The following GALNTL6 variants were observed in gnomAD, a reference collection of about 807,000 sequenced individuals.
GALNTL6 encodes the protein polypeptide N-acetylgalactosaminyltransferase-like 6.
Under a neutral mutation model 73.7 loss-of-function variants are expected in GALNTL6, and 46 were observed. That is an observed-to-expected ratio of 0.62 (90% CI 0.49 to 0.80). The LOEUF is 0.80. Among genes scored for constraint, GALNTL6 ranks in the 30% least tolerant of loss-of-function variants. The pLI, the probability that GALNTL6 is intolerant of heterozygous loss-of-function variation, is 0.00. For synonymous variants in GALNTL6, 259 were observed against 263.7 expected, an observed-to-expected ratio of 0.98 and a Z score of 0.17; for missense variants, 604 against 755.0, an observed-to-expected ratio of 0.80 and a Z score of 2.34.
intron 2 of GALNTL6, among the ~76,000 whole-genome samples, chr4:172,132,433 T>C (rs10019067): frequency 0.45 from 69,123 of 151,950 alleles, 16,598 homozygotes; most frequent in African/African-American, 0.6. Context: ...ACTCTGAGAT[T>C]GGAAATACTT....
intron 2 of GALNTL6, among the ~76,000 whole-genome samples, chr4:172,072,485 C>T (rs1435559120): frequency 2.0e-5 from 3 of 152,122 alleles, no homozygotes; most frequent in Admixed American, 1.3e-4. Flanking sequence ...GAACTACACA[C>T]GTAAAAGATA....
chr4:171,837,912 G>A (rs1357241728), intron 2 of GALNTL6, among the ~76,000 whole-genome samples: 1 of 150,894 alleles, frequency 6.6e-6, no homozygotes, highest in African/African-American at 2.4e-5. Context: ...TTGATAGGTT[G>A]GCATGTTACA....
intron 5 of GALNTL6, among the ~76,000 whole-genome samples, chr4:172,618,515 C>A (rs1738830488): frequency 6.6e-6 from 1 of 152,120 alleles, no homozygotes; most frequent in Admixed American, 6.5e-5. Context: ...GAGAGAAATT[C>A]TTCTGCACTT....
At chr4:172,494,245 C>T (rs1733993225) in intron 5 of GALNTL6, among the ~76,000 whole-genome samples, 1 of 152,136 alleles carries the variant, frequency 6.6e-6, no homozygotes, top group South Asian at 2.1e-4. Flanking sequence ...TATTACGATT[C>T]CTTCATGAAG....
At chr4:172,868,713 G>A (rs751325946) in intron 7 of GALNTL6, among the ~76,000 whole-genome samples, 5 of 152,208 alleles carry the variant, frequency 3.3e-5, no homozygotes, top group Non-Finnish European at 5.9e-5. Context: ...CTGGGCACCC[G>A]TGGGACCCAA....
chr4:172,281,026 G>A lies in GALNTL6; in HGVS notation c.248-30588G>A, dbSNP rs190495080. Among the ~76,000 whole-genome samples, 550 of 151,502 alleles carry A rather than the reference G, an allele frequency of 3.6e-3. 3 individuals carry two copies. The highest frequency in any genetic ancestry group is 0.012 in the African/African-American group (507 of 41,264). The stretch of plus-strand genomic sequence containing the variant: ...AATACAAAAAAAAAAAAAATTAGCC[G>A]GGCGTGGTGGCGAGTGCCTGTAGTC... On this transcript the variant is annotated intron_variant, in intron 3 of 12. Coordinates refer to ENST00000506823, the MANE Select transcript of GALNTL6 (RefSeq NM_001034845.3).
chr4:172,966,057 G>A (rs1252557312), intron 10 of GALNTL6, among the ~76,000 whole-genome samples: 1 of 152,178 alleles, frequency 6.6e-6, no homozygotes, highest in Non-Finnish European at 1.5e-5. Context: ...TTGGGAGAAT[G>A]TTAGACTGAA....
chr4:172,970,416 G>C (rs909894411), intron 10 of GALNTL6, among the ~76,000 whole-genome samples: 1 of 152,176 alleles, frequency 6.6e-6, no homozygotes, highest in African/African-American at 2.4e-5. Context: ...GACAATCCCA[G>C]AGTGGCCATT....
At position 171,853,864 on chromosome 4, in the gene GALNTL6, G is replaced by A. The variant is rs934124773; in HGVS notation, c.138+39146G>A. On this transcript the variant is annotated intron_variant, in intron 2 of 12. Coordinates refer to ENST00000506823, the MANE Select transcript of GALNTL6 (RefSeq NM_001034845.3). ...TGACTTCAGTTGATACACCCACATCGGCCTCCAAAAGTGCTGGGATTACAG... is the reference window on the plus strand; with the variant it reads ...TGACTTCAGTTGATACACCCACATCAGCCTCCAAAAGTGCTGGGATTACAG... Among the ~76,000 whole-genome samples the A allele has an allele frequency of 1.3e-4, 20 of 151,590 alleles. No homozygotes were observed. The East Asian group carries it at 1.4e-3, about 10-fold the overall frequency.
intron 5 of GALNTL6, among the ~76,000 whole-genome samples, chr4:172,505,806 C>A (rs1734379929): frequency 1.9e-5 from 1 of 53,726 alleles, no homozygotes. Flanking sequence ...TAATAGAGGA[C>A]CAGGTAAGTG....
chr4:172,609,521 A>T lies in GALNTL6; in HGVS notation c.554-199840A>T, dbSNP rs193037415. On this transcript the variant is annotated intron_variant, in intron 5 of 12. Transcript: ENST00000506823. ...TTGATCATGGCGCAGAAGCCTTTTG[A>T]TGTGCTGCCAGATTCAGTTTGCCAG... is the stretch of plus-strand genomic sequence containing the variant. 1.9e-3 allele frequency among the ~76,000 whole-genome samples: 281 copies of T among 151,716 alleles called. 1 individual carries two copies. The highest frequency in any genetic ancestry group is 6.6e-3 in the African/African-American group (274 of 41,346).
intron 2 of GALNTL6, among the ~76,000 whole-genome samples, chr4:172,073,105 G>A (rs942293206): frequency 3.3e-5 from 5 of 152,144 alleles, no homozygotes; most frequent in Admixed American, 3.3e-4. Flanking sequence ...TTTGCTTGAA[G>A]TCATCTTTTT....
At chr4:172,300,437 C>T (rs1278680490) in intron 3 of GALNTL6, among the ~76,000 whole-genome samples, 4 of 152,078 alleles carry the variant, frequency 2.6e-5, no homozygotes, top group African/African-American at 4.8e-5. Flanking sequence ...TTATTTTGCT[C>T]GTTAGTTGAT....
intron 2 of GALNTL6, among the ~76,000 whole-genome samples, chr4:172,100,670 A>T (rs191894710): frequency 2.0e-5 from 3 of 152,310 alleles, no homozygotes; most frequent in Non-Finnish European, 4.4e-5. Flanking sequence ...TCTCACAATA[A>T]TCTTTCAAGT....
chr4:171,994,277 C>T (rs894155756), intron 2 of GALNTL6, among the ~76,000 whole-genome samples: 1 of 152,004 alleles, frequency 6.6e-6, no homozygotes, highest in Non-Finnish European at 1.5e-5. Flanking sequence ...GCAGAAGGCT[C>T]TGTGTGGTCT....
At chr4:172,427,133 A>G (rs1158370784) in intron 5 of GALNTL6, among the ~76,000 whole-genome samples, 1 of 152,166 alleles carries the variant, frequency 6.6e-6, no homozygotes, top group African/African-American at 2.4e-5. Flanking sequence ...GAGAGAGAAG[A>G]AAAGGAAGAC....
At chr4:172,548,056 A>G (rs887189277) in intron 5 of GALNTL6, among the ~76,000 whole-genome samples, 4 of 152,182 alleles carry the variant, frequency 2.6e-5, no homozygotes, top group Non-Finnish European at 5.9e-5. Flanking sequence ...GTATTAATCT[A>G]TTGAGGATGT....
intron 2 of GALNTL6, among the ~76,000 whole-genome samples, chr4:172,223,769 T>C (rs1239661080): frequency 2.0e-5 from 3 of 152,146 alleles, no homozygotes; most frequent in African/African-American, 4.8e-5. Flanking sequence ...ATTAATGATA[T>C]GATGTAAACC....
At chr4:171,910,280 G>A (rs1006640404) in intron 2 of GALNTL6, among the ~76,000 whole-genome samples, 1 of 151,626 alleles carries the variant, frequency 6.6e-6, no homozygotes, top group Non-Finnish European at 1.5e-5. Context: ...ACCCATATGC[G>A]CAGATTTTTC....
Sources: allele counts gnomAD v4.1 joint callset (sites outside exome capture counted in the v4.1 genomes callset), GRCh38; gene constraint gnomAD v4.1.1; transcripts MANE v1.5; gene names NCBI Gene and HGNC (gene_info 2026-07-23, HGNC 2026-07-21).